Variants in PPP1R2 observed in about 807,000 individuals in gnomAD.
The protein encoded by PPP1R2 is protein phosphatase inhibitor 2.
Under a neutral mutation model 29.9 loss-of-function variants are expected in PPP1R2, and 16 were observed. The ratio of observed to expected loss-of-function variants is 0.53; its 90% CI spans 0.36 to 0.81. The LOEUF (loss-of-function observed/expected upper bound fraction) is 0.81. PPP1R2 is among the 30% of genes least tolerant of loss of function. PPP1R2 has a pLI of 0.00. For missense variants in PPP1R2, 197 were observed against 252.7 expected (o/e 0.78, Z 1.49); for synonymous variants, 76 against 91.5 (o/e 0.83, Z 0.96).
At chr3:195,531,069 T>A (rs1215727298) in intron 1 of PPP1R2, among the ~76,000 whole-genome samples, 2 of 152,226 alleles carry the variant, frequency 1.3e-5, no homozygotes, top group African/African-American at 4.8e-5. Context: ...GTGATCTGCC[T>A]GCCTGGGCCT....
intron 4 of PPP1R2, 95 bp from the exon 5 acceptor site, chr3:195,519,280 A>C (rs1407807615): frequency 5.2e-6 from 5 of 969,212 alleles, no homozygotes; most frequent in African/African-American, 1.7e-5. Context: ...AGTGATGCTC[A>C]TTTGTTTTTG....
Position 195,529,917 on chromosome 3 carries a change from A to G in PPP1R2, c.123-16T>C. The G allele has an allele frequency of 6.4e-7, 1 of 1,573,172 alleles. No homozygotes were observed. The highest frequency in any genetic ancestry group is 1.2e-5 in the South Asian group (1 of 86,120). On this transcript the variant is annotated splice_polypyrimidine_tract_variant and intron_variant, in intron 1 of 5. Coordinates refer to ENST00000618156, the MANE Select transcript of PPP1R2 (RefSeq NM_006241.8). ...GGATTTTTTGCTAAAATTAAAAAGA[A>G]AAAACGTTTTTCCCAATGCAGAAAA...
chr3:195,521,733 C>G lies in PPP1R2; in HGVS notation c.403+1959G>C, dbSNP rs139114542. Among the ~76,000 whole-genome samples, 22 of 152,268 alleles carry G rather than the reference C, an allele frequency of 1.4e-4. No homozygotes were observed. In the East Asian group the frequency reaches 4.1e-3, roughly 28 times the overall value. ...TGGCATGATACCGGCTCACTGCAAC[C>G]TCCACCTCCCAGGTTCAAGCAATTC... On this transcript the variant is annotated intron_variant, in intron 4 of 5. Transcript: ENST00000618156.
At chr3:195,535,782 CTG>C (rs1451140059) in intron 1 of PPP1R2, among the ~76,000 whole-genome samples, 6 of 152,164 alleles carry the variant, frequency 3.9e-5, no homozygotes, top group African/African-American at 1.2e-4. Context: ...GATATGGACA[CTG>C]AAACTAAACA....
intron 4 of PPP1R2, among the ~76,000 whole-genome samples, chr3:195,521,275 A>AC (rs1718749197): frequency 7.7e-6 from 1 of 130,388 alleles, no homozygotes; most frequent in African/African-American, 3.0e-5. Context: ...AGATCGCGCC[A>AC]CTGCACTCCA....
intron 5 of PPP1R2, among the ~76,000 whole-genome samples, chr3:195,517,781 T>C (rs1490058633): frequency 2.0e-5 from 3 of 152,110 alleles, no homozygotes; most frequent in East Asian, 3.8e-4. Context: ...CTATGTAAGA[T>C]GAAGTTTGCT....
intron 2 of PPP1R2, among the ~76,000 whole-genome samples, chr3:195,525,618 T>C (rs1004681560): frequency 6.6e-6 from 1 of 152,168 alleles, no homozygotes; most frequent in African/African-American, 2.4e-5. Context: ...GACACAAGAC[T>C]GAGTAAAGTA....
intron 2 of PPP1R2, chr3:195,528,034 G>T (rs1357797484): frequency 1.3e-5 from 4 of 299,772 alleles, no homozygotes; most frequent in Non-Finnish European, 2.6e-5. Flanking sequence ...GGAAACAAGT[G>T]GTGTTTGGTT....
intron 1 of PPP1R2, among the ~76,000 whole-genome samples, chr3:195,531,011 C>T (rs1322356554): frequency 6.6e-6 from 1 of 151,564 alleles, no homozygotes; most frequent in South Asian, 2.1e-4. Context: ...TTGGTAGAGA[C>T]GGGGTTTCAC....
intron 2 of PPP1R2, 132 bp from the exon 3 acceptor site, chr3:195,525,028 T>A (rs1332592053): frequency 2.8e-6 from 2 of 719,106 alleles, no homozygotes; most frequent in Non-Finnish European, 4.8e-6. Flanking sequence ...ATCTTTGAGG[T>A]TTAACTTTAT....
intron 2 of PPP1R2, among the ~76,000 whole-genome samples, chr3:195,528,066 G>C (rs114505051): frequency 0.022 from 3,395 of 152,052 alleles, 41 homozygotes; most frequent in Middle Eastern, 0.061. Context: ...TTCTTCAGTG[G>C]TAATTGCTGA....
chr3:195,536,293 T>TA (rs10645669), intron 1 of PPP1R2, among the ~76,000 whole-genome samples: 46 of 115,496 alleles, frequency 4.0e-4, no homozygotes, highest in African/African-American at 4.1e-4. Flanking sequence ...ACCCTGTCTT[T>TA]AAAAAAAAAA....
rs372641743 is a variant in PPP1R2 at position 195,516,906 on chromosome 3, C to T, written c.608G>A (p.Arg203Gln). 1.4e-5 allele frequency: 23 copies of T among 1,612,290 alleles called. No homozygotes were observed. Among genetic ancestry groups the T allele is most frequent in the African/African-American group, 4.0e-5 (3 of 74,952 alleles). ...TPSDQQQNKL[R>Q]SS ...TTGAACAAATCTCGTCTATGAACTTCGTAATTTGTTTTGCTGTTGGTCACT... is the reference window on the plus strand; with the variant it reads ...TTGAACAAATCTCGTCTATGAACTTTGTAATTTGTTTTGCTGTTGGTCACT... Residue 203 changes from arginine to glutamine, a missense_variant, in exon 6 of 6, where the codon CGA (arginine) becomes CAA (glutamine). This residue lies in a region of PPP1R2 where 135 missense variants were observed against 163.0 expected (regional missense o/e 0.83). Coordinates refer to ENST00000618156, the MANE Select transcript of PPP1R2 (RefSeq NM_006241.8).
chr3:195,527,952 A>ATT, intron 2 of PPP1R2: 2 of 304,846 alleles, frequency 6.6e-6, no homozygotes, highest in South Asian at 2.5e-5. Flanking sequence ...TAGCATGCGT[A>ATT]TTTTTTTTTA....
chr3:195,529,953 G>A (rs1185842303), intron 1 of PPP1R2, 52 bp from the exon 2 acceptor site: 1 of 1,289,134 alleles, frequency 7.8e-7, no homozygotes, highest in Non-Finnish European at 1.1e-6. Context: ...AGATAAACCT[G>A]AATATCAAAA....
rs1238741905 is a variant in PPP1R2 at position 195,542,855 on chromosome 3, G to C, written c.122+49C>G. 8 of 1,557,684 alleles carry C rather than the reference G, an allele frequency of 5.1e-6. No homozygotes were observed. The African/African-American group carries it at 5.5e-5, about 11-fold the overall frequency. ...CGCCCCTGGGGTCTGGGTAGGTAAC[G>C]GGCCCGGCGGGAAGGAGGGGCTCCC... On this transcript the variant is annotated intron_variant, in intron 1 of 5. Transcript: ENST00000618156.
At chr3:195,540,190 G>A (rs926341653) in intron 1 of PPP1R2, among the ~76,000 whole-genome samples, 12 of 152,332 alleles carry the variant, frequency 7.9e-5, no homozygotes, top group Admixed American at 2.6e-4. Context: ...ACAGAGCAGG[G>A]CAGATTCTGA....
intron 1 of PPP1R2, among the ~76,000 whole-genome samples, chr3:195,540,033 C>T (rs1048134233): frequency 2.6e-5 from 4 of 152,188 alleles, no homozygotes; most frequent in East Asian, 3.9e-4. Context: ...AAACTATCAT[C>T]GCATTTTACA....
At chr3:195,519,841 A>T (rs959720488) in intron 4 of PPP1R2, among the ~76,000 whole-genome samples, 1 of 151,900 alleles carries the variant, frequency 6.6e-6, no homozygotes, top group African/African-American at 2.4e-5. Flanking sequence ...GCTGGCAGCA[A>T]CACAACTGAT....
Sources: allele counts gnomAD v4.1 joint callset (sites outside exome capture counted in the v4.1 genomes callset), GRCh38; gene constraint gnomAD v4.1.1; regional missense constraint gnomAD v4.1.1; transcripts MANE v1.5; gene names NCBI Gene and HGNC (gene_info 2026-07-23, HGNC 2026-07-21).